The following TMIGD3 variants were observed in gnomAD, a reference collection of about 807,000 sequenced individuals.
TMIGD3 encodes transmembrane and immunoglobulin domain containing 3.
A neutral mutation model predicts 28.1 loss-of-function variants in TMIGD3; 21 were observed. That is an observed-to-expected ratio of 0.75 (90% confidence interval 0.53 to 1.08). The LOEUF (loss-of-function observed/expected upper bound fraction) is 1.08, where lower values mean the gene tolerates loss of function less well. TMIGD3 is among the 50% of genes least tolerant of loss of function. The pLI is 0.00. For missense variants in TMIGD3, 416 were observed against 435.6 expected (o/e 0.96, Z 0.40); for synonymous variants, 151 against 162.1 (o/e 0.93, Z 0.52).
chr1:111,498,179 A>G (rs1654979397), intron 1 of TMIGD3, among the ~76,000 whole-genome samples: 1 of 152,246 alleles, frequency 6.6e-6, no homozygotes, highest in Non-Finnish European at 1.5e-5. Flanking sequence ...GCCTAAAAGT[A>G]GGTTCAGGAT....
intron 1 of TMIGD3, among the ~76,000 whole-genome samples, chr1:111,528,429 G>T (rs1166219929): frequency 6.6e-6 from 1 of 152,134 alleles, no homozygotes; most frequent in Non-Finnish European, 1.5e-5. Flanking sequence ...TTTATAGTGA[G>T]TCTTGAAGTC....
intron 1 of TMIGD3, among the ~76,000 whole-genome samples, chr1:111,528,331 A>G (rs1291640677): frequency 6.6e-6 from 1 of 152,138 alleles, no homozygotes; most frequent in East Asian, 1.9e-4. Context: ...CCATATTTAT[A>G]TGTGTCTACT....
At chr1:111,511,017 G>A (rs1391533662) in intron 1 of TMIGD3, among the ~76,000 whole-genome samples, 1 of 152,176 alleles carries the variant, frequency 6.6e-6, no homozygotes, top group Non-Finnish European at 1.5e-5. Context: ...GAATCGCACT[G>A]GGTAAACCAT....
Position 111,499,090 on chromosome 1 carries a change from C to CA in TMIGD3, c.350+3914dup, listed in dbSNP as rs59510125. Among the ~76,000 whole-genome samples the CA allele has an allele frequency of 2.3e-3, 309 of 135,624 alleles. 4 individuals are homozygous for CA. The highest frequency in any genetic ancestry group is 4.6e-3 in the African/African-American group (169 of 36,670). The allele number at this position is 135,624 out of a possible 152,430, so 89.0% of individuals were successfully genotyped here. ...TAGGTGACAGAACGAGACCTTGTCT[C>CA]AAAAAAAAAAAGAAAAAAAAGAAAG... On this transcript the variant is annotated intron_variant, in intron 1 of 5. Coordinates refer to ENST00000369716, the MANE Select transcript of TMIGD3 (RefSeq NM_020683.7).
Position 111,485,725 on chromosome 1 carries a change from A to AAAAAAACAAAAAAACC in TMIGD3, c.973+14_973+15insGGTTTTTTTGTTTTTT. The AAAAAAACAAAAAAACC allele has an allele frequency of 2.1e-6, 3 of 1,419,108 alleles. No individual in the cohort carries two copies. Among genetic ancestry groups the AAAAAAACAAAAAAACC allele is most frequent in the Non-Finnish European group, 2.9e-6 (3 of 1,022,712 alleles). The allele number at this position is 1,419,108 out of a possible 1,614,324, so 87.9% of individuals were successfully genotyped here. On this transcript the variant is annotated intron_variant, in intron 5 of 5. Transcript: ENST00000369716. The stretch of plus-strand genomic sequence containing the variant: ...TAATTCTTGCCCACCCCCTCCCTCA[A>AAAAAAACAAAAAAACC]CAATAGCTACTTACCCCTTCTATTC...
chr1:111,485,586 C>T (rs1654323971), intron 5 of TMIGD3, 154 bp downstream of exon 5: 7 of 588,608 alleles, frequency 1.2e-5, no homozygotes, highest in South Asian at 1.1e-4. Flanking sequence ...CACCATCAAG[C>T]AGATATCTAC....
chr1:111,499,675 G>A (rs1655059496), intron 1 of TMIGD3: 16 of 1,217,208 alleles, frequency 1.3e-5, no homozygotes, highest in Admixed American at 3.8e-5. Flanking sequence ...TTCTTCTATT[G>A]GGAAGAAGGA....
intron 1 of TMIGD3, among the ~76,000 whole-genome samples, chr1:111,491,854 A>C (rs2095731): frequency 0.62 from 94,737 of 152,072 alleles, 30,372 homozygotes; most frequent in Admixed American, 0.74. Flanking sequence ...GGATATAATT[A>C]TTCAATTTAT....
chr1:111,507,037 GTGTATATATATATA>G (rs1336199087), upstream of TMIGD3, among the ~76,000 whole-genome samples: 1,017 of 48,612 alleles, frequency 0.021, 7 homozygotes, highest in Admixed American at 0.035. Flanking sequence ...GTGTGTGTGT[GTGTATATATATATA>G]TATATATATG....
At chr1:111,549,230 TA>T (rs200048631) in intron 1 of TMIGD3, among the ~76,000 whole-genome samples, 3 of 152,152 alleles carry the variant, frequency 2.0e-5, no homozygotes, top group East Asian at 3.9e-4. Context: ...TTTATTTTTT[TA>T]AAAAATCTTT....
chr1:111,557,157 A>AT (rs1482027528), intron 1 of TMIGD3, among the ~76,000 whole-genome samples: 1 of 152,210 alleles, frequency 6.6e-6, no homozygotes. Flanking sequence ...CTGACAACTG[A>AT]TTTTTCAACA....
At chr1:111,511,482 G>A (rs1325862139) in intron 1 of TMIGD3, among the ~76,000 whole-genome samples, 3 of 152,092 alleles carry the variant, frequency 2.0e-5, no homozygotes, top group Admixed American at 6.6e-5. Context: ...ACAAAAAGTA[G>A]GTTTTTGCAT....
At chr1:111,518,912 TTTCA>T (rs1456518644) in intron 1 of TMIGD3, among the ~76,000 whole-genome samples, 1 of 151,970 alleles carries the variant, frequency 6.6e-6, no homozygotes, top group Non-Finnish European at 1.5e-5. Flanking sequence ...CTAGGAATAT[TTTCA>T]TTTTTTGTTT....
intron 2 of TMIGD3, 75 bp downstream of exon 2, chr1:111,490,581 G>A (rs1000159733): frequency 9.2e-7 from 1 of 1,092,096 alleles, no homozygotes; most frequent in Admixed American, 1.8e-5. Context: ...ACTCCAAGTA[G>A]GTGAGGACTT....
intron 1 of TMIGD3, among the ~76,000 whole-genome samples, chr1:111,517,862 A>T (rs11102295): frequency 0.27 from 41,167 of 152,072 alleles, 6,388 homozygotes; most frequent in Non-Finnish European, 0.36. Context: ...TCAGAGCTTC[A>T]TATTAAAACC....
At chr1:111,537,485 G>A (rs1051749700) in intron 1 of TMIGD3, among the ~76,000 whole-genome samples, 1 of 152,166 alleles carries the variant, frequency 6.6e-6, no homozygotes, top group African/African-American at 2.4e-5. Context: ...CAGCAATCAT[G>A]ACACAAAAGA....
intron 1 of TMIGD3, among the ~76,000 whole-genome samples, chr1:111,540,184 CAT>C (rs1656771974): frequency 6.6e-6 from 1 of 152,228 alleles, no homozygotes; most frequent in Non-Finnish European, 1.5e-5. Context: ...TGCTCTTCCT[CAT>C]ATGTTTCTGG....
intron 1 of TMIGD3, among the ~76,000 whole-genome samples, chr1:111,521,755 C>T (rs961820719): frequency 2.6e-5 from 4 of 152,126 alleles, no homozygotes; most frequent in Non-Finnish European, 5.9e-5. Context: ...TTATGAAGGA[C>T]AAAAGATTTC....
chr1:111,543,149 A>C (rs1465787485), intron 1 of TMIGD3, among the ~76,000 whole-genome samples: 1 of 152,206 alleles, frequency 6.6e-6, no homozygotes, highest in African/African-American at 2.4e-5. Flanking sequence ...CACACAGCGC[A>C]GGTGACAGCT....
Sources: gnomAD v4.1 joint callset for allele counts (sites outside exome capture counted in the v4.1 genomes callset) on GRCh38, gnomAD v4.1.1 for gene constraint, MANE v1.5 for transcripts, NCBI Gene and HGNC (gene_info 2026-07-23, HGNC 2026-07-21) for gene names.